Variants in COL21A1 observed in about 807,000 individuals in gnomAD.
COL21A1 encodes the protein collagen type XXI alpha 1 chain.
Under a neutral mutation model 137.9 loss-of-function variants are expected in COL21A1, and 149 were observed. The observed-to-expected ratio is 1.08, with a 90% CI of 0.95 to 1.24. COL21A1 has a LOEUF of 1.24. Among genes scored for constraint, COL21A1 ranks in the 50% most tolerant of loss-of-function variants. COL21A1 has a pLI of 0.00. For missense variants in COL21A1, 1,167 were observed against 1,158.4 expected, an observed-to-expected ratio of 1.01 and a Z score of -0.11; for synonymous variants, 456 against 391.5, an observed-to-expected ratio of 1.16 and a Z score of -1.95.
chr6:56,061,609 A>G (rs923382622), intron 25 of COL21A1, 40 bp downstream of exon 25: 3 of 1,478,518 alleles, frequency 2.0e-6, no homozygotes, highest in African/African-American at 2.8e-5. Context: ...AAAGGACCGA[A>G]GAAAGAGAGC....
In COL21A1 at chr6:56,275,797, T is replaced by A. The variant is rs779422931; in HGVS notation, c.-38-93141A>T. On this transcript the variant is annotated intron_variant, in intron 1 of 28. Transcript: ENST00000370819. ...TGGGAATACAAATGACTTCAGCGAC[T>A]GTAGAAAGGAGTTTGGAGATTTGTC... 5.9e-5 allele frequency among the ~76,000 whole-genome samples: 9 copies of A among 152,332 alleles called. No homozygotes were observed. The South Asian group carries it at 1.9e-3, about 32-fold the overall frequency.
At chr6:56,135,458 A>C (rs1773923839) in intron 12 of COL21A1, among the ~76,000 whole-genome samples, 1 of 152,134 alleles carries the variant, frequency 6.6e-6, no homozygotes, top group Non-Finnish European at 1.5e-5. Flanking sequence ...AAAAAAAAAC[A>C]GTGCTGATAA....
At chr6:56,309,093 A>C (rs1342132896) in intron 1 of COL21A1, among the ~76,000 whole-genome samples, 2 of 146,690 alleles carry the variant, frequency 1.4e-5, no homozygotes, top group African/African-American at 5.1e-5. Context: ...GCCCGGCTGG[A>C]GTATAGTGGT....
At chr6:56,354,395 G>T (rs929099341) in intron 1 of COL21A1, among the ~76,000 whole-genome samples, 2 of 151,948 alleles carry the variant, frequency 1.3e-5, no homozygotes, top group African/African-American at 2.4e-5. Flanking sequence ...AATTAAAGGA[G>T]AAAATCAACC....
chr6:56,241,325 C>T (rs748664628), intron 1 of COL21A1, among the ~76,000 whole-genome samples: 1 of 152,086 alleles, frequency 6.6e-6, no homozygotes, highest in African/African-American at 2.4e-5. Flanking sequence ...TTTCAAAAGC[C>T]AAATTGGCCG....
chr6:56,358,166 G>A lies in COL21A1; in HGVS notation c.-39+35805C>T, dbSNP rs78778337. ...AATGATGATGTGTCACTTTTGATAC[G>A]GTTTTAGGTTTCAGGGAATGCAATA... is the stretch of plus-strand genomic sequence containing the variant. On this transcript the variant is annotated intron_variant, in intron 1 of 28. Coordinates refer to the COL21A1 transcript ENST00000370819. Among the ~76,000 whole-genome samples, 41 of 151,886 alleles carry A rather than the reference G, an allele frequency of 2.7e-4. No homozygotes were observed. The East Asian group carries it at 5.4e-3, about 20-fold the overall frequency.
intron 17 of COL21A1, among the ~76,000 whole-genome samples, chr6:56,098,528 AAT>A (rs1300460516): frequency 0.013 from 213 of 16,770 alleles, 15 homozygotes; most frequent in Middle Eastern, 0.033. Context: ...TAAATATATA[AAT>A]ATATATATAA....
At chr6:56,388,893 A>G (rs762823622) in intron 1 of COL21A1, among the ~76,000 whole-genome samples, 4 of 152,256 alleles carry the variant, frequency 2.6e-5, no homozygotes, top group Non-Finnish European at 2.9e-5. Context: ...AAGATAACAC[A>G]GAGAAGGAAT....
chr6:56,064,178 A>G (rs1766041326), intron 24 of COL21A1, among the ~76,000 whole-genome samples: 1 of 152,106 alleles, frequency 6.6e-6, no homozygotes, highest in Non-Finnish European at 1.5e-5. Flanking sequence ...AAACAAGTAC[A>G]TTTCTCCACC....
intron 1 of COL21A1, among the ~76,000 whole-genome samples, chr6:56,217,424 G>A (rs892097848): frequency 2.6e-5 from 4 of 151,972 alleles, no homozygotes; most frequent in South Asian, 2.1e-4. Context: ...CAGAAATTCA[G>A]AAGACTGCAC....
At chr6:56,192,457 T>C (rs1778750082) in intron 1 of COL21A1, among the ~76,000 whole-genome samples, 1 of 150,566 alleles carries the variant, frequency 6.6e-6, no homozygotes, top group Non-Finnish European at 1.5e-5. Context: ...AGGGCTAATA[T>C]CCAGAATCTA....
At chr6:56,264,748 AC>A (rs1433783572) in intron 1 of COL21A1, among the ~76,000 whole-genome samples, 2 of 152,106 alleles carry the variant, frequency 1.3e-5, no homozygotes, top group East Asian at 3.8e-4. Flanking sequence ...TCTCCTGTAC[AC>A]CCTAAATTTA....
At chr6:56,129,923 C>A (rs1773382881) in intron 12 of COL21A1, among the ~76,000 whole-genome samples, 1 of 148,060 alleles carries the variant, frequency 6.8e-6, no homozygotes, top group African/African-American at 2.5e-5. Context: ...AAGAACCTAA[C>A]CCAAACTACC....
chr6:56,254,872 A>G (rs952476661), intron 1 of COL21A1, among the ~76,000 whole-genome samples: 1 of 152,212 alleles, frequency 6.6e-6, no homozygotes, highest in African/African-American at 2.4e-5. Context: ...CTTGCTTTAA[A>G]AAAGAAAAAG....
At chr6:56,098,566 A>T (rs868583810) in intron 17 of COL21A1, among the ~76,000 whole-genome samples, 414 of 6,522 alleles carry the variant, frequency 0.063, 49 homozygotes, top group African/African-American at 0.21. Context: ...TAAATATATA[A>T]ATATATATAA....
intron 1 of COL21A1, among the ~76,000 whole-genome samples, chr6:56,293,454 A>G (rs1339009813): frequency 6.6e-6 from 1 of 152,162 alleles, no homozygotes; most frequent in African/African-American, 2.4e-5. Context: ...AGATATTATG[A>G]CAGTCTTCAG....
intron 1 of COL21A1, among the ~76,000 whole-genome samples, chr6:56,384,202 G>A (rs1384426895): frequency 6.6e-6 from 1 of 152,110 alleles, no homozygotes; most frequent in African/African-American, 2.4e-5. Flanking sequence ...GTGCTTCCTT[G>A]AACAGGCATT....
At chr6:56,124,694 T>A (rs907960585) in intron 14 of COL21A1, among the ~76,000 whole-genome samples, 1 of 152,122 alleles carries the variant, frequency 6.6e-6, no homozygotes, top group Non-Finnish European at 1.5e-5. Context: ...CAGGCTGGAG[T>A]GCAGTGGTGC....
intron 1 of COL21A1, among the ~76,000 whole-genome samples, chr6:56,304,814 A>T (rs1464073366): frequency 1.3e-5 from 2 of 152,014 alleles, no homozygotes; most frequent in Admixed American, 1.3e-4. Context: ...AGTTCTTTTA[A>T]TTGTGATGTT....
Sources: gnomAD v4.1 joint callset for allele counts (sites outside exome capture counted in the v4.1 genomes callset) on GRCh38, gnomAD v4.1.1 for gene constraint, MANE v1.5 for transcripts, NCBI Gene and HGNC (gene_info 2026-07-23, HGNC 2026-07-21) for gene names.